The following WDFY3 variants were observed in gnomAD, a reference collection of about 807,000 sequenced individuals.
The protein encoded by WDFY3 is WD repeat and FYVE domain containing 3.
In WDFY3, 66 loss-of-function variants were observed where a neutral mutation model predicts 409.6. The observed-to-expected ratio is 0.16, with a 90% confidence interval of 0.13 to 0.20. The LOEUF is 0.20. WDFY3 is among the 10% of genes least tolerant of loss of function. The probability of loss-of-function intolerance (pLI) is 1.00; values close to 1 mark genes in which losing one functional copy is unlikely to be tolerated. For missense variants in WDFY3, 3,031 were observed against 4,298.1 expected, an observed-to-expected ratio of 0.71 and a Z score of 8.24; for synonymous variants, 1,521 against 1,537.1, an observed-to-expected ratio of 0.99 and a Z score of 0.25.
chr4:84,878,389 T>C (rs554357361), intron 3 of WDFY3, among the ~76,000 whole-genome samples: 1 of 152,224 alleles, frequency 6.6e-6, no homozygotes, highest in South Asian at 2.1e-4. Context: ...TGCCAAAAGA[T>C]TGTGCAGAAT....
chr4:84,898,401 C>T (rs1235490680), intron 2 of WDFY3, among the ~76,000 whole-genome samples: 5 of 152,114 alleles, frequency 3.3e-5, no homozygotes, highest in African/African-American at 1.2e-4. Context: ...TGCCCAAGCC[C>T]GCAGAAAGTA....
intron 5 of WDFY3, among the ~76,000 whole-genome samples, chr4:84,846,361 T>G (rs1331464600): frequency 1.3e-5 from 2 of 151,834 alleles, no homozygotes; most frequent in Non-Finnish European, 2.9e-5. Context: ...ATTTTAAACT[T>G]AAAAGTTAAA....
intron 29 of WDFY3, 50 bp downstream of exon 29, chr4:84,774,770 A>C: frequency 1.3e-6 from 2 of 1,549,240 alleles, no homozygotes; most frequent in Non-Finnish European, 1.7e-6. Flanking sequence ...TCTTAACCTC[A>C]TTGGTACTTT....
intron 37 of WDFY3, among the ~76,000 whole-genome samples, chr4:84,742,784 T>C (rs1738683861): frequency 6.6e-6 from 1 of 152,184 alleles, no homozygotes; most frequent in African/African-American, 2.4e-5. Flanking sequence ...CCCCTTAGTC[T>C]GTGGAAAAAC....
At chr4:84,769,221 A>AAGGACTC (rs1247413691) in intron 30 of WDFY3, among the ~76,000 whole-genome samples, 13 of 152,166 alleles carry the variant, frequency 8.5e-5, no homozygotes, top group Non-Finnish European at 1.5e-5. Context: ...AATAACAACA[A>AAGGACTC]AGGACTCAGA....
chr4:84,682,779 T>C (rs80098756), intron 63 of WDFY3: 3 of 279,490 alleles, frequency 1.1e-5, no homozygotes, highest in Non-Finnish European at 1.4e-5. Flanking sequence ...GTCAGGAGTT[T>C]GAGACCAGCC....
intron 3 of WDFY3, among the ~76,000 whole-genome samples, chr4:84,863,676 GTATTA>G (rs1027692904): frequency 6.6e-6 from 1 of 152,000 alleles, no homozygotes; most frequent in African/African-American, 2.4e-5. Flanking sequence ...TTGGTTTCAG[GTATTA>G]TATTAAAGTC....
chr4:84,871,723 C>A (rs1466958561), intron 3 of WDFY3, among the ~76,000 whole-genome samples: 1 of 152,040 alleles, frequency 6.6e-6, no homozygotes, highest in African/African-American at 2.4e-5. Flanking sequence ...CAGCCTCAAA[C>A]TCCCGTGATC....
intron 10 of WDFY3, 33 bp from the exon 11 acceptor site, chr4:84,821,584 AC>A: frequency 1.3e-6 from 2 of 1,545,078 alleles, no homozygotes; most frequent in Non-Finnish European, 1.8e-6. Context: ...AAAAGTAGGT[AC>A]TATGTGATAT....
In WDFY3 at chr4:84,787,592, C is replaced by T. The variant is rs1449278651; in HGVS notation, c.3791G>A (p.Arg1264His). 19 of 1,613,984 alleles carry T rather than the reference C, an allele frequency of 1.2e-5. No individual in the cohort carries two copies. In the Admixed American group the frequency reaches 1.7e-4, roughly 14 times the overall value. The stretch of plus-strand genomic sequence containing the variant: ...TTCTAGAAAATGTGTGGGTCCCAGG[C>T]GCCAAACCAATGAGGCAATTTGGCG... ...AQRQIASLVW[R>H]LGPTHFLEEV... The change falls in exon 23 of 68, where the codon CGC (arginine) becomes CAC (histidine). Residue 1264 changes from arginine to histidine, a missense_variant. Physicochemically the swap from Arg to His is conservative, Grantham distance 29 (BLOSUM62 0). This residue lies in a region of WDFY3 where 1,322 missense variants were observed against 1,697.9 expected (regional missense o/e 0.78). Coordinates refer to ENST00000295888, the MANE Select transcript of WDFY3 (RefSeq NM_014991.6).
intron 4 of WDFY3, among the ~76,000 whole-genome samples, chr4:84,858,124 C>T (rs1024126044): frequency 3.3e-5 from 5 of 152,024 alleles, no homozygotes; most frequent in Non-Finnish European, 7.4e-5. Context: ...GTAACAAAAA[C>T]AATAATAGAT....
chr4:84,875,263 A>AAT (rs71670886), intron 3 of WDFY3, among the ~76,000 whole-genome samples: 208 of 137,580 alleles, frequency 1.5e-3, no homozygotes, highest in African/African-American at 4.0e-3. Flanking sequence ...GCAAGACTCA[A>AAT]ACACACACAC....
chr4:84,803,470 A>G lies in WDFY3; in HGVS notation c.2430-3T>C, dbSNP rs748616619. 1.0e-5 allele frequency: 16 copies of G among 1,599,578 alleles called. No individual in the cohort carries two copies. Among genetic ancestry groups the G allele is most frequent in the Non-Finnish European group, 6.8e-6 (8 of 1,174,698 alleles). On this transcript the variant is annotated splice_polypyrimidine_tract_variant and splice_region_variant and intron_variant, in intron 15 of 67. Coordinates refer to ENST00000295888, the MANE Select transcript of WDFY3 (RefSeq NM_014991.6). ...TTGAAACAGAATGATATGCATGCCT[A>G]TAAAAAAAGAAAGAGTAAATTTGGT...
intron 10 of WDFY3, among the ~76,000 whole-genome samples, chr4:84,822,964 C>T (rs567319456): frequency 6.6e-6 from 1 of 152,214 alleles, no homozygotes; most frequent in East Asian, 1.9e-4. Flanking sequence ...TAATCAACAT[C>T]TCAGCAGCTT....
chr4:84,795,803 C>A lies in WDFY3; in HGVS notation c.3167+718G>T, dbSNP rs1433394181. ...AACAAAACTCTAATAGCTAACAGATCTAGCTACCAGATCTATTAGCATTTG... is the reference window on the plus strand; with the variant it reads ...AACAAAACTCTAATAGCTAACAGATATAGCTACCAGATCTATTAGCATTTG... On this transcript the variant is annotated intron_variant, in intron 19 of 67. Transcript: ENST00000295888. Among the ~76,000 whole-genome samples, 6 of 151,780 alleles carry A rather than the reference C, an allele frequency of 4.0e-5. No homozygotes were observed. In the East Asian group the frequency reaches 1.2e-3, roughly 29 times the overall value.
chr4:84,898,633 A>G (rs1765948163), intron 2 of WDFY3, among the ~76,000 whole-genome samples: 1 of 152,232 alleles, frequency 6.6e-6, no homozygotes, highest in Non-Finnish European at 1.5e-5. Flanking sequence ...ATAGTAAATC[A>G]TAACCAGAAA....
At chr4:84,842,493 G>T (rs1265928355) in intron 5 of WDFY3, among the ~76,000 whole-genome samples, 1 of 142,826 alleles carries the variant, frequency 7.0e-6, no homozygotes, top group Non-Finnish European at 1.5e-5. Flanking sequence ...AAAAAAAGAA[G>T]TAAGTCTAAT....
chr4:84,671,118 C>A lies in WDFY3; in HGVS notation c.*1750G>T, dbSNP rs1024239208. 3 of 152,498 alleles carry A rather than the reference C, an allele frequency of 2.0e-5. No individual in the cohort carries two copies. Among genetic ancestry groups the A allele is most frequent in the Non-Finnish European group, 4.4e-5 (3 of 68,008 alleles). The allele number at this position is 152,498 out of a possible 1,614,324, so 9.4% of individuals were successfully genotyped here. A position where few individuals can be genotyped will look rare whatever the true frequency, so the allele number is the denominator to read the frequency against. On this transcript the variant is annotated 3_prime_UTR_variant, in exon 68 of 68. Transcript: ENST00000295888. ...CAGCCTTTCTATTTTCTCTTGGAGA[C>A]CTAGTTATCATATCAGGAAGAACAA... is the stretch of plus-strand genomic sequence containing the variant.
intron 26 of WDFY3, among the ~76,000 whole-genome samples, chr4:84,778,869 A>G (rs1746019673): frequency 6.6e-6 from 1 of 152,218 alleles, no homozygotes; most frequent in South Asian, 2.1e-4. Context: ...TGAAAAACAA[A>G]GGGATCTTAA....
Sources: gnomAD v4.1 joint callset for allele counts (sites outside exome capture counted in the v4.1 genomes callset) on GRCh38, gnomAD v4.1.1 for gene constraint, gnomAD v4.1.1 regional missense constraint, MANE v1.5 for transcripts, NCBI Gene and HGNC (gene_info 2026-07-23, HGNC 2026-07-21) for gene names.